The following PCDHGA2 variants were observed in gnomAD, a reference collection of about 807,000 sequenced individuals.
PCDHGA2 encodes protocadherin gamma-A2.
A neutral mutation model predicts 59.2 loss-of-function variants in PCDHGA2; 40 were observed. The ratio of observed to expected loss-of-function variants is 0.68; its 90% CI spans 0.52 to 0.88. The LOEUF (loss-of-function observed/expected upper bound fraction) is 0.88. Ranked by LOEUF, PCDHGA2 falls within the 40% of genes least tolerant of loss-of-function variation. The pLI is 0.00. For missense variants in PCDHGA2, 1,226 were observed against 1,204.0 expected, an observed-to-expected ratio of 1.02 and a Z score of -0.27; for synonymous variants, 560 against 526.0, an observed-to-expected ratio of 1.06 and a Z score of -0.89.
chr5:141,389,942 G>C lies in PCDHGA2; in HGVS notation c.2424+48547G>C, dbSNP rs775707080. On this transcript the variant is annotated intron_variant, in intron 1 of 3. Coordinates refer to ENST00000394576, the MANE Select transcript of PCDHGA2 (RefSeq NM_018915.4). ...ACCCCTCTGACCTCCAGGCTGAGCT[G>C]CAGTTTTACCTAGTGGTGGCCTTGG... is the stretch of plus-strand genomic sequence containing the variant. The C allele has an allele frequency of 2.5e-6, 4 of 1,613,952 alleles. No individual in the cohort carries two copies. The African/African-American group carries it at 5.3e-5, about 22-fold the overall frequency.
chr5:141,362,299 G>C (rs781560478), intron 1 of PCDHGA2: 3 of 1,614,078 alleles, frequency 1.9e-6, no homozygotes, highest in Non-Finnish European at 2.5e-6. Context: ...TTCCAGGTCA[G>C]ATGCTTGGGA....
chr5:141,339,489 A>G lies in PCDHGA2; in HGVS notation c.518A>G (p.Asn173Ser). Residue 173 changes from asparagine (N) to serine (S), a missense_variant, in exon 1 of 4, where the codon AAC (asparagine) becomes AGC (serine). Transcript: ENST00000394576. ...AACGCCCTTCAGAAGTACGCACTCA[A>G]CCCAAATGACCACTTCTCCCTGGAC... ...GENALQKYAL[N>S]PNDHFSLDVR... 3 of 1,614,176 alleles carry G rather than the reference A, an allele frequency of 1.9e-6. No individual in the cohort carries two copies. Among genetic ancestry groups the G allele is most frequent in the Non-Finnish European group, 2.5e-6 (3 of 1,180,028 alleles).
chr5:141,476,187 G>T lies in PCDHGA2; in HGVS notation c.2425-18620G>T. 1 of 1,613,782 alleles carries T rather than the reference G, an allele frequency of 6.2e-7. No individual in the cohort carries two copies. The highest frequency in any genetic ancestry group is 8.5e-7 in the Non-Finnish European group (1 of 1,180,028). ...GTAGTGGGAGTTTTGCTTCTGCTTG[G>T]TGCCTTGAACAAGGCTTCCACGGTC... On this transcript the variant is annotated intron_variant, in intron 1 of 3. Transcript: ENST00000394576. This position sits in a 1 kb window ranked among gnomAD's most constrained non-coding sequence, Gnocchi z 7.6.
chr5:141,459,162 T>A (rs1408033955), intron 1 of PCDHGA2, among the ~76,000 whole-genome samples: 3 of 152,224 alleles, frequency 2.0e-5, no homozygotes, highest in African/African-American at 7.2e-5. Context: ...AACATTTCTA[T>A]AACCTTCAAA....
intron 1 of PCDHGA2, chr5:141,375,677 G>A (rs1171088976): frequency 1.2e-6 from 2 of 1,614,236 alleles, no homozygotes; most frequent in South Asian, 1.1e-5. Context: ...ACAGCTGTGG[G>A]TGACAGCCAG....
chr5:141,364,882 C>T (rs199576947), intron 1 of PCDHGA2: 2 of 1,613,962 alleles, frequency 1.2e-6, no homozygotes, highest in African/African-American at 1.3e-5. Context: ...ATGTGGTAAG[C>T]GGAACTGATG....
At chr5:141,385,023 C>T in intron 1 of PCDHGA2, 1 of 1,614,170 alleles carries the variant, frequency 6.2e-7, no homozygotes, top group East Asian at 2.2e-5. Flanking sequence ...TAGCCTTCGT[C>T]CTCGTACTGC....
chr5:141,413,453 G>A lies in PCDHGA2; in HGVS notation c.2424+72058G>A, dbSNP rs761986113. 1.9e-5 allele frequency: 31 copies of A among 1,613,986 alleles called. 2 individuals carry two copies. In the South Asian group the frequency reaches 3.1e-4, roughly 16 times the overall value. On this transcript the variant is annotated intron_variant, in intron 1 of 3. Coordinates refer to ENST00000394576, the MANE Select transcript of PCDHGA2 (RefSeq NM_018915.4). ...AGCGGCAGCTTGATCACCGCGGGCA[G>A]GATAGACCGGGAGGAGCTCTGCGCT...
At chr5:141,492,560 G>T (rs2099742000) in intron 1 of PCDHGA2, among the ~76,000 whole-genome samples, 1 of 152,156 alleles carries the variant, frequency 6.6e-6, no homozygotes, top group Non-Finnish European at 1.5e-5. Context: ...CCTGGGGGGC[G>T]GCCTGAGCGA....
intron 1 of PCDHGA2, among the ~76,000 whole-genome samples, chr5:141,439,371 TA>T (rs1008614540): frequency 7.2e-5 from 11 of 152,034 alleles, no homozygotes; most frequent in Non-Finnish European, 1.0e-4. Flanking sequence ...CAAGAAGAAA[TA>T]AAAATAAGTC....
intron 1 of PCDHGA2, chr5:141,428,284 G>A (rs762469333): frequency 4.2e-5 from 31 of 734,822 alleles, no homozygotes. Flanking sequence ...TGATTCCCAA[G>A]CAAAGCTGCA....
chr5:141,392,779 T>C (rs757880986), intron 1 of PCDHGA2: 1 of 1,534,720 alleles, frequency 6.5e-7, no homozygotes, highest in African/African-American at 1.4e-5. Context: ...TTATGCACAG[T>C]GAAGATTCTG....
intron 1 of PCDHGA2, chr5:141,403,791 A>T: frequency 6.2e-7 from 1 of 1,613,900 alleles, no homozygotes. Context: ...GTGGCATACA[A>T]ATTCTGGAAA....
intron 1 of PCDHGA2, among the ~76,000 whole-genome samples, chr5:141,425,111 A>G (rs2096857405): frequency 6.6e-6 from 1 of 152,144 alleles, no homozygotes; most frequent in Admixed American, 6.5e-5. Context: ...AGATGCCTAC[A>G]TTTTTCTTGA....
chr5:141,447,481 A>G lies in PCDHGA2; in HGVS notation c.2425-47326A>G, dbSNP rs141192758. 3.9e-3 allele frequency among the ~76,000 whole-genome samples: 591 copies of G among 152,326 alleles called. 6 individuals carry two copies. The highest frequency in any genetic ancestry group is 0.011 in the Admixed American group (170 of 15,286). ...TTTTCTTCACCATCTGTAAAACTGC[A>G]TAGAAGGAATGTTTAGGATAAAAGA... On this transcript the variant is annotated intron_variant, in intron 1 of 3. Transcript: ENST00000394576.
At chr5:141,414,947 T>C (rs1422289231) in intron 1 of PCDHGA2, 1 of 1,614,052 alleles carries the variant, frequency 6.2e-7, no homozygotes, top group Non-Finnish European at 8.5e-7. Context: ...CCCGGCTACC[T>C]GGTGACCAAG....
intron 1 of PCDHGA2, chr5:141,416,674 G>T (rs547618174): frequency 6.6e-6 from 1 of 152,132 alleles, no homozygotes; most frequent in Non-Finnish European, 1.5e-5. Context: ...TATATGCAAC[G>T]AAGGGAAATT....
intron 1 of PCDHGA2, chr5:141,374,106 C>T (rs377211748): frequency 1.1e-5 from 17 of 1,572,446 alleles, no homozygotes; most frequent in South Asian, 3.5e-5. Flanking sequence ...CAGAGGCATC[C>T]GCAGCGCAGC....
At chr5:141,450,556 G>T (rs534127421) in intron 1 of PCDHGA2, among the ~76,000 whole-genome samples, 1 of 151,940 alleles carries the variant, frequency 6.6e-6, no homozygotes, top group African/African-American at 2.4e-5. Flanking sequence ...GCGCAGTCTC[G>T]GCTCACTGCA....
Sources: allele counts gnomAD v4.1 joint callset (sites outside exome capture counted in the v4.1 genomes callset), GRCh38; gene constraint gnomAD v4.1.1; non-coding constraint Gnocchi (gnomAD v3.1); transcripts MANE v1.5; gene names NCBI Gene and HGNC (gene_info 2026-07-23, HGNC 2026-07-21).